Variants in CCDC149 observed in about 807,000 individuals in gnomAD.
CCDC149 encodes coiled-coil domain-containing protein 149.
In CCDC149, 45 loss-of-function variants were observed where a neutral mutation model predicts 59.9. That is an observed-to-expected ratio of 0.75 (90% CI 0.59 to 0.96). The LOEUF is 0.96. Ranked by LOEUF, CCDC149 falls within the 40% of genes least tolerant of loss-of-function variation. The pLI is 0.00. For synonymous variants in CCDC149, 245 were observed against 260.6 expected, an observed-to-expected ratio of 0.94 and a Z score of 0.58; for missense variants, 584 against 664.7, an observed-to-expected ratio of 0.88 and a Z score of 1.33.
intron 4 of CCDC149, among the ~76,000 whole-genome samples, chr4:24,845,948 T>G (rs1051048921): frequency 1.3e-5 from 2 of 152,220 alleles, no homozygotes; most frequent in Non-Finnish European, 2.9e-5. Flanking sequence ...TTCATTTTAG[T>G]GTGTAATTTG....
intron 9 of CCDC149, chr4:24,828,275 G>GT (rs1387514642): frequency 1.5e-3 from 70 of 48,212 alleles, no homozygotes; most frequent in African/African-American, 4.4e-3. Flanking sequence ...GTTACCGTTT[G>GT]TAAAAAAAAA....
At chr4:24,948,177 G>A (rs1467968330) in intron 1 of CCDC149, among the ~76,000 whole-genome samples, 2 of 152,304 alleles carry the variant, frequency 1.3e-5, no homozygotes, top group South Asian at 2.1e-4. Context: ...TTAGAGAAGC[G>A]TGTGACTCTG....
At chr4:24,876,729 A>C in intron 1 of CCDC149, 32 bp from the exon 2 acceptor site, 1 of 1,575,978 alleles carries the variant, frequency 6.3e-7, no homozygotes, top group East Asian at 2.3e-5. Context: ...GCAATGGGTC[A>C]AAAACATCCA....
chr4:24,808,978 A>G (rs1714413372), intron 12 of CCDC149, among the ~76,000 whole-genome samples, 159 bp from the exon 13 acceptor site: 1 of 152,212 alleles, frequency 6.6e-6, no homozygotes. Context: ...CCAAAGGGGA[A>G]CACAGGACCC....
chr4:24,908,587 C>G lies in CCDC149; in HGVS notation c.63+4230G>C, dbSNP rs1196722670. 2.0e-5 allele frequency among the ~76,000 whole-genome samples: 3 copies of G among 151,842 alleles called. No individual in the cohort carries two copies. The East Asian group carries it at 5.8e-4, about 29-fold the overall frequency. On this transcript the variant is annotated intron_variant, in intron 1 of 12. Coordinates refer to ENST00000635206, the MANE Select transcript of CCDC149 (RefSeq NM_001330643.2). ...TGGTGGCACGTGCCTGTAACTCCAG[C>G]TACTCAGGAGGCTGAAGCAGGAGAA...
At chr4:24,853,587 C>CAAA (rs11291619) in intron 3 of CCDC149, among the ~76,000 whole-genome samples, 5 of 92,350 alleles carry the variant, frequency 5.4e-5, no homozygotes, top group East Asian at 3.8e-4. Flanking sequence ...GACTCCATTT[C>CAAA]AAAAAAAAAA....
At chr4:24,814,597 T>C (rs1301043272) in intron 12 of CCDC149, among the ~76,000 whole-genome samples, 2 of 152,218 alleles carry the variant, frequency 1.3e-5, no homozygotes, top group African/African-American at 2.4e-5. Context: ...AATTACTGGT[T>C]CTGAATCTTT....
chr4:24,819,846 GA>G lies in CCDC149; in HGVS notation c.1192+12del, dbSNP rs1560200686. ...CAGTCCAGGTAAAGATGGAGAAATC[GA>G]GGCGTGCTTACCATCCTTGGGATCT... On this transcript the variant is annotated intron_variant, in intron 12 of 12. Transcript: ENST00000635206. The G allele has an allele frequency of 6.5e-7, 1 of 1,536,464 alleles. No individual in the cohort carries two copies. The highest frequency in any genetic ancestry group is 1.4e-5 in the African/African-American group (1 of 72,846).
upstream of CCDC149, among the ~76,000 whole-genome samples, chr4:24,915,837 A>G (rs116617492): frequency 3.8e-3 from 582 of 152,336 alleles, 4 homozygotes; most frequent in African/African-American, 0.014. Flanking sequence ...TCATTTATGT[A>G]GCCTGACATT....
intron 12 of CCDC149, among the ~76,000 whole-genome samples, chr4:24,813,028 T>C (rs1714733697): frequency 6.6e-6 from 1 of 152,152 alleles, no homozygotes; most frequent in South Asian, 2.1e-4. Flanking sequence ...ACATTCATAT[T>C]GAGGCCCTAA....
intron 1 of CCDC149, among the ~76,000 whole-genome samples, chr4:24,968,650 C>T (rs1723875300): frequency 6.6e-6 from 1 of 152,222 alleles, no homozygotes; most frequent in Non-Finnish European, 1.5e-5. Flanking sequence ...GGTGTTACTG[C>T]TGCCTAGACT....
intron 1 of CCDC149, among the ~76,000 whole-genome samples, chr4:24,928,484 C>T (rs1373265174): frequency 6.6e-6 from 1 of 152,106 alleles, no homozygotes; most frequent in Admixed American, 6.5e-5. Flanking sequence ...CATGGACCAC[C>T]AGTATTTTTC....
At chr4:24,979,954 A>G (rs754363404) in intron 1 of CCDC149, 1 of 152,236 alleles carries the variant, frequency 6.6e-6, no homozygotes, top group African/African-American at 2.4e-5. Flanking sequence ...GGGAATTCTC[A>G]CAAGCAATAA....
rs116094921 is a variant in CCDC149, at chr4:24,859,083, T to C, written c.265-5904A>G. On this transcript the variant is annotated intron_variant, in intron 3 of 12. Transcript: ENST00000635206. ...AAAATACGGACAGTCCCTGATTTAATGATGCTTCAACTTATGATCTTTCAA... is the reference window on the plus strand; with the variant it reads ...AAAATACGGACAGTCCCTGATTTAACGATGCTTCAACTTATGATCTTTCAA... Among the ~76,000 whole-genome samples the C allele has an allele frequency of 5.7e-3, 866 of 152,330 alleles. 1 individual carries two copies. Among genetic ancestry groups the C allele is most frequent in the Non-Finnish European group, 8.0e-3 (546 of 68,020 alleles).
intron 1 of CCDC149, among the ~76,000 whole-genome samples, chr4:24,938,715 C>T (rs1196139019): frequency 6.6e-6 from 1 of 152,196 alleles, no homozygotes. Flanking sequence ...GCTCTTCCAA[C>T]AGGCTTAACA....
intron 9 of CCDC149, chr4:24,823,094 AT>A (rs1715515102): frequency 1.3e-5 from 2 of 152,260 alleles, no homozygotes; most frequent in Admixed American, 1.3e-4. Flanking sequence ...CATTCTTGAT[AT>A]TTAGCACAAT....
chr4:24,816,090 T>C (rs1284953173), intron 12 of CCDC149, among the ~76,000 whole-genome samples: 1 of 152,096 alleles, frequency 6.6e-6, no homozygotes, highest in Non-Finnish European at 1.5e-5. Context: ...AAATTTTTAA[T>C]TTAATTTTTT....
chr4:24,835,109 T>C, intron 7 of CCDC149, 77 bp from the exon 8 acceptor site: 1 of 960,640 alleles, frequency 1.0e-6, no homozygotes, highest in Non-Finnish European at 1.6e-6. Context: ...ATGCCTTCTC[T>C]CATCGGCCCA....
At chr4:24,914,366 G>A (rs984908044), upstream of CCDC149, among the ~76,000 whole-genome samples, 2 of 129,170 alleles carry the variant, frequency 1.5e-5, no homozygotes, top group Admixed American at 8.9e-5. Flanking sequence ...CCAAAGCAAC[G>A]TTTGTACATG....
Sources: allele counts gnomAD v4.1 joint callset (sites outside exome capture counted in the v4.1 genomes callset), GRCh38; gene constraint gnomAD v4.1.1; transcripts MANE v1.5; gene names NCBI Gene and HGNC (gene_info 2026-07-23, HGNC 2026-07-21).